The following GRIN2A variants were observed in gnomAD, a reference collection of about 807,000 sequenced individuals.
The protein encoded by GRIN2A is glutamate receptor ionotropic, NMDA 2A.
In GRIN2A, 22 loss-of-function variants were observed where a neutral mutation model predicts 113.4. The observed-to-expected ratio is 0.19, with a 90% CI of 0.14 to 0.28. The LOEUF (loss-of-function observed/expected upper bound fraction) is 0.28, where lower values mean the gene tolerates loss of function less well. GRIN2A is among the 10% of genes least tolerant of loss of function. GRIN2A has a pLI of 1.00. For missense variants in GRIN2A, 1,502 were observed against 1,887.0 expected, an observed-to-expected ratio of 0.80 and a Z score of 3.78; for synonymous variants, 827 against 738.4, an observed-to-expected ratio of 1.12 and a Z score of -1.94.
intron 2 of GRIN2A, among the ~76,000 whole-genome samples, chr16:10,118,602 C>T (rs1253605916): frequency 1.3e-5 from 2 of 152,194 alleles, no homozygotes; most frequent in African/African-American, 2.4e-5. Flanking sequence ...CTATGTCTTC[C>T]AGTCCTGGTA....
In GRIN2A at chr16:9,882,352, A is replaced by G. The variant is rs187195413; in HGVS notation, c.1122+8634T>C. Among the ~76,000 whole-genome samples, 4 of 152,354 alleles carry G rather than the reference A, an allele frequency of 2.6e-5. No individual in the cohort carries two copies. In the East Asian group the frequency reaches 7.7e-4, roughly 29 times the overall value. On this transcript the variant is annotated intron_variant, in intron 4 of 12. Coordinates refer to ENST00000330684, the MANE Select transcript of GRIN2A (RefSeq NM_001134407.3). ...ACCACAGACTCAAGAGAGCAATCAT[A>G]GCTTTTGTAAGATCTCCTTTATCAT...
At chr16:10,074,620 A>C (rs192649023) in intron 2 of GRIN2A, among the ~76,000 whole-genome samples, 4 of 152,346 alleles carry the variant, frequency 2.6e-5, no homozygotes, top group Middle Eastern at 3.4e-3. Context: ...TAAGTGAAGG[A>C]AACCAGACGC....
At chr16:9,941,771 C>A (rs190082151) in intron 2 of GRIN2A, among the ~76,000 whole-genome samples, 1 of 152,284 alleles carries the variant, frequency 6.6e-6, no homozygotes, top group African/African-American at 2.4e-5. Context: ...GCTAGAAATA[C>A]TTACTCTATG....
intron 2 of GRIN2A, among the ~76,000 whole-genome samples, chr16:9,944,205 G>A (rs1259768706): frequency 6.6e-6 from 1 of 152,222 alleles, no homozygotes. Context: ...GACTGCCCTT[G>A]TGAGCCCTGG....
chr16:10,040,814 C>A (rs1451900383), intron 2 of GRIN2A, among the ~76,000 whole-genome samples: 1 of 152,254 alleles, frequency 6.6e-6, no homozygotes, highest in Non-Finnish European at 1.5e-5. Context: ...GAATAAGCCG[C>A]TCTGGAGGCT....
chr16:10,003,553 C>G (rs886857089), intron 2 of GRIN2A, among the ~76,000 whole-genome samples: 1 of 152,180 alleles, frequency 6.6e-6, no homozygotes, highest in Non-Finnish European at 1.5e-5. Flanking sequence ...TGGGAGTATA[C>G]CAAGTAGAGC....
In GRIN2A at chr16:10,180,136, C is replaced by A. The variant is rs2142389072; in HGVS notation, c.276G>T (p.Gly92=). 3 of 1,614,236 alleles carry A rather than the reference C, an allele frequency of 1.9e-6. No individual in the cohort carries two copies. The South Asian group carries it at 3.3e-5, about 18-fold the overall frequency. Residue 92 remains glycine (G), a synonymous_variant, in exon 2 of 13, where the codon GGG becomes GGT. Transcript: ENST00000330684. The surrounding 1 kb of genome is among the most constrained non-coding windows in gnomAD (Gnocchi z 7.0). ...LITHVCDLMS[G]ARIHGLVFGD... ...CAAACACGAGGCCGTGGATGCGTGC[C>A]CCGGACATGAGGTCGCACACGTGCG...
intron 10 of GRIN2A, among the ~76,000 whole-genome samples, chr16:9,821,969 C>G (rs1490435410): frequency 6.6e-6 from 1 of 152,164 alleles, no homozygotes; most frequent in African/African-American, 2.4e-5. Flanking sequence ...TTGGATCTTT[C>G]TATTTGTTAA....
chr16:9,784,441 C>CAAAA (rs71400493), intron 11 of GRIN2A, among the ~76,000 whole-genome samples: 30,341 of 124,342 alleles, frequency 0.24, 3,472 homozygotes, highest in Non-Finnish European at 0.26. Flanking sequence ...CAACAACAAC[C>CAAAA]AAAAAAAAAA....
chr16:9,795,709 C>T (rs1902942189), intron 11 of GRIN2A, among the ~76,000 whole-genome samples: 1 of 152,184 alleles, frequency 6.6e-6, no homozygotes, highest in Non-Finnish European at 1.5e-5. Flanking sequence ...CATCTTCACA[C>T]CAGCCTTATT....
At chr16:10,135,644 A>G (rs1158923918) in intron 2 of GRIN2A, among the ~76,000 whole-genome samples, 1 of 152,202 alleles carries the variant, frequency 6.6e-6, no homozygotes, top group Non-Finnish European at 1.5e-5. Context: ...ATGACAAGGA[A>G]TTGGCTTACA....
chr16:10,009,615 C>G (rs187376045), intron 2 of GRIN2A, among the ~76,000 whole-genome samples: 1 of 152,144 alleles, frequency 6.6e-6, no homozygotes, highest in Non-Finnish European at 1.5e-5. Context: ...TGCCTGAGCT[C>G]ACCTGGGCAC....
intron 11 of GRIN2A, among the ~76,000 whole-genome samples, chr16:9,791,230 C>T (rs991614526): frequency 6.6e-5 from 10 of 152,024 alleles, no homozygotes; most frequent in Non-Finnish European, 1.2e-4. Context: ...TGGGAGTATT[C>T]ACAGAGGAGC....
At chr16:10,085,417 G>C (rs72774175) in intron 2 of GRIN2A, among the ~76,000 whole-genome samples, 24,248 of 152,198 alleles carry the variant, frequency 0.16, 1,991 homozygotes, top group Admixed American at 0.2. Flanking sequence ...TACATGCCAT[G>C]TTCATTTTGG....
intron 2 of GRIN2A, among the ~76,000 whole-genome samples, chr16:9,983,642 C>T (rs548251470): frequency 6.6e-5 from 10 of 152,164 alleles, no homozygotes; most frequent in African/African-American, 1.9e-4. Context: ...AGTTTCACTG[C>T]GTTAGCCAGG....
chr16:10,111,786 C>A, intron 2 of GRIN2A: 2 of 1,450,838 alleles, frequency 1.4e-6, no homozygotes, highest in Non-Finnish European at 9.6e-7. Context: ...AGGCCAAGAT[C>A]CGGCATGGCT....
intron 3 of GRIN2A, among the ~76,000 whole-genome samples, chr16:9,897,266 G>C (rs1010795934): frequency 6.7e-6 from 1 of 150,248 alleles, no homozygotes; most frequent in Admixed American, 6.6e-5. Flanking sequence ...ATTTCCTCTG[G>C]TATTTACAGT....
At chr16:9,775,115 A>G (rs548727512) in intron 11 of GRIN2A, among the ~76,000 whole-genome samples, 1 of 152,328 alleles carries the variant, frequency 6.6e-6, no homozygotes, top group Admixed American at 6.5e-5. Context: ...TTTGTGAAAA[A>G]TCCATTTTGA....
At chr16:10,134,149 C>T (rs534632216) in intron 2 of GRIN2A, among the ~76,000 whole-genome samples, 8 of 141,898 alleles carry the variant, frequency 5.6e-5, no homozygotes, top group Non-Finnish European at 1.2e-4. Context: ...TGAGTGATCA[C>T]ATCACCACAC....
Sources: allele counts gnomAD v4.1 joint callset (sites outside exome capture counted in the v4.1 genomes callset), GRCh38; gene constraint gnomAD v4.1.1; non-coding constraint Gnocchi (gnomAD v3.1); transcripts MANE v1.5; gene names NCBI Gene and HGNC (gene_info 2026-07-23, HGNC 2026-07-21).